CCDC47: variants seen among roughly 807,000 people sequenced by gnomAD.
The protein encoded by CCDC47 is PAT complex subunit CCDC47.
A neutral mutation model predicts 60.5 loss-of-function variants in CCDC47; 41 were observed. The observed-to-expected ratio is 0.68, with a 90% CI of 0.53 to 0.88. CCDC47 has a LOEUF of 0.88. CCDC47 is among the 40% of genes least tolerant of loss of function. The probability of loss-of-function intolerance (pLI) is 0.00; values close to 1 mark genes in which losing one functional copy is unlikely to be tolerated. For missense variants in CCDC47, 513 were observed against 580.9 expected (o/e 0.88, Z 1.20); for synonymous variants, 195 against 190.7 (o/e 1.02, Z -0.18).
Position 63,764,316 on chromosome 17 carries a change from G to T in CCDC47, c.373-126C>A, listed in dbSNP as rs940312665. The T allele has an allele frequency of 6.0e-5, 41 of 688,718 alleles. No homozygotes were observed. The African/African-American group carries it at 6.6e-4, about 11-fold the overall frequency. 42.7% of individuals were successfully genotyped at this position (688,718 alleles called of 1,614,324 possible). On this transcript the variant is annotated intron_variant, in intron 3 of 12. Transcript: ENST00000225726. ...CTTCAGATATCTGTCATTGAATAAG[G>T]TTATACTTTGAAAAATAGGTCCATT...
At position 63,746,670 on chromosome 17, in the gene CCDC47, GA is replaced by G. The variant is rs1056868035; in HGVS notation, c.*210del. 42 of 422,748 alleles carry G rather than the reference GA, an allele frequency of 9.9e-5. No individual in the cohort carries two copies. The highest frequency in any genetic ancestry group is 1.7e-4 in the East Asian group (5 of 28,982). 26.2% of individuals were successfully genotyped at this position (422,748 alleles called of 1,614,324 possible). ...ATAATCAAAATAATTTGATTATCTG[GA>G]AAAAAAAATTCTTGAAACAGAGCCC... On this transcript the variant is annotated 3_prime_UTR_variant, in exon 13 of 13. Coordinates refer to ENST00000225726, the MANE Select transcript of CCDC47 (RefSeq NM_020198.3).
intron 1 of CCDC47, among the ~76,000 whole-genome samples, chr17:63,773,150 G>A (rs1031040038): frequency 6.6e-6 from 1 of 152,200 alleles, no homozygotes; most frequent in Non-Finnish European, 1.5e-5. Flanking sequence ...TGGCCACAGA[G>A]GTTTTTGCTT....
chr17:63,752,335 G>C lies in CCDC47; in HGVS notation c.1188C>G (p.Phe396Leu). ...VIYSIDKAKK[F>L]RLNREGKQKA... is the part of the protein sequence containing the mutation. Reference sequence around the variant, plus strand: ...TGGGTCTTACTTCTCTGTTGAGTCGGAACTTTTTGGCTTTATCAATAGAAT... The same window carrying C: ...TGGGTCTTACTTCTCTGTTGAGTCGCAACTTTTTGGCTTTATCAATAGAAT... Residue 396 changes from phenylalanine to leucine, a missense_variant, in exon 11 of 13, where the codon TTC becomes TTG. Physicochemically the swap from Phe to Leu is conservative, Grantham distance 22. Coordinates refer to ENST00000225726, the MANE Select transcript of CCDC47 (RefSeq NM_020198.3). 3.7e-6 allele frequency: 6 copies of C among 1,612,370 alleles called. No homozygotes were observed. Among genetic ancestry groups the C allele is most frequent in the Non-Finnish European group, 4.2e-6 (5 of 1,178,604 alleles).
At chr17:63,768,848 C>T (rs1309328876) in intron 1 of CCDC47, among the ~76,000 whole-genome samples, 1 of 151,972 alleles carries the variant, frequency 6.6e-6, no homozygotes, top group Admixed American at 6.6e-5. Flanking sequence ...GTTTGGGAGG[C>T]CAAGGTAGGC....
At chr17:63,747,684 G>A (rs1010387738) in intron 12 of CCDC47, 44 of 985,118 alleles carry the variant, frequency 4.5e-5, no homozygotes, top group Non-Finnish European at 5.2e-5. Flanking sequence ...TTATTTTTAG[G>A]GTACTGGGGT....
At chr17:63,772,829 C>T (rs997109827) in intron 1 of CCDC47, 5 of 152,286 alleles carry the variant, frequency 3.3e-5, no homozygotes, top group African/African-American at 9.6e-5. Context: ...CTCAAATGCA[C>T]AAGTCCTTGC....
chr17:63,755,439 G>C, intron 8 of CCDC47: 1 of 140,652 alleles, frequency 7.1e-6, no homozygotes, highest in Non-Finnish European at 1.4e-5. Flanking sequence ...GGCCAACACA[G>C]CGAAACCCCA....
In CCDC47 at chr17:63,748,309, C is replaced by T. The variant is rs544943198; in HGVS notation, c.1372-1348G>A. Among the ~76,000 whole-genome samples, 8 of 152,228 alleles carry T rather than the reference C, an allele frequency of 5.3e-5. No individual in the cohort carries two copies. In the East Asian group the frequency reaches 1.5e-3, roughly 29 times the overall value. On this transcript the variant is annotated intron_variant, in intron 12 of 12. Coordinates refer to ENST00000225726, the MANE Select transcript of CCDC47 (RefSeq NM_020198.3). ...TGTATTCTTAGTAGAGATGGGGTTT[C>T]ACCATATTGGCCAGGCTGGTGTTGA...
rs56378189 is a variant in CCDC47, at chr17:63,771,045, G to GAAAGAAAGAAAGA, written c.-20+2366_-20+2367insTCTTTCTTTCTTT. ...GGAAGGAAGGAAGGAAGGAAGGAAG[G>GAAAGAAAGAAAGA]AAGAAAGAAAGAAAGAAATTAAATG... On this transcript the variant is annotated intron_variant, in intron 1 of 12. Coordinates refer to ENST00000225726, the MANE Select transcript of CCDC47 (RefSeq NM_020198.3). Among the ~76,000 whole-genome samples the GAAAGAAAGAAAGA allele has an allele frequency of 4.8e-4, 47 of 97,834 alleles. 1 individual carries two copies. The highest frequency in any genetic ancestry group is 1.2e-3 in the African/African-American group (28 of 24,238). The allele number at this position is 97,834 out of a possible 152,430, so 64.2% of individuals were successfully genotyped here. A position where few individuals can be genotyped will look rare whatever the true frequency, so the allele number is the denominator to read the frequency against.
intron 9 of CCDC47, chr17:63,753,661 C>CA (rs1456801268): frequency 1.0e-6 from 1 of 981,646 alleles, no homozygotes; most frequent in Non-Finnish European, 1.2e-6. Context: ...AAGCTAGAAA[C>CA]CCTATGGACA....
chr17:63,764,645 C>T, intron 3 of CCDC47, 95 bp downstream of exon 3: 2 of 1,055,894 alleles, frequency 1.9e-6, no homozygotes, highest in South Asian at 1.6e-5. Flanking sequence ...CCCACTATTG[C>T]ATTAACACCA....
rs193164768 is a variant in CCDC47, at chr17:63,763,741, T to A, written c.547+275A>T. 1.9e-3 allele frequency among the ~76,000 whole-genome samples: 295 copies of A among 151,818 alleles called. 3 individuals carry two copies. The highest frequency in any genetic ancestry group is 3.6e-3 in the Non-Finnish European group (244 of 67,936). Reference sequence around the variant, plus strand: ...TGGGAGGCTGAGGCAGAAGAATCGCTTGAACCCAGGAGGTGGAGGTTGCAG... The same window carrying A: ...TGGGAGGCTGAGGCAGAAGAATCGCATGAACCCAGGAGGTGGAGGTTGCAG... On this transcript the variant is annotated intron_variant, in intron 4 of 12. Transcript: ENST00000225726.
intron 2 of CCDC47, 29 bp from the exon 3 acceptor site, chr17:63,764,876 C>G: frequency 6.2e-7 from 1 of 1,600,874 alleles, no homozygotes; most frequent in Non-Finnish European, 8.5e-7. Flanking sequence ...ATCCGTTTTC[C>G]TCTACAAATG....
At chr17:63,752,491 C>G in intron 10 of CCDC47, 62 bp from the exon 11 acceptor site, 1 of 1,161,898 alleles carries the variant, frequency 8.6e-7, no homozygotes, top group Non-Finnish European at 1.2e-6. Context: ...CCAGGTCACC[C>G]AACTCTTTTT....
intron 6 of CCDC47, among the ~76,000 whole-genome samples, chr17:63,756,977 C>T (rs932773158): frequency 6.6e-6 from 1 of 152,016 alleles, no homozygotes; most frequent in Admixed American, 6.6e-5. Flanking sequence ...ATAGGGACTA[C>T]AGTAGTTCGT....
At chr17:63,763,869 A>T in intron 4 of CCDC47, 147 bp downstream of exon 4, 1 of 410,486 alleles carries the variant, frequency 2.4e-6, no homozygotes, top group East Asian at 3.8e-5. Flanking sequence ...TAAAAAAAAA[A>T]AGAGCAGGGG....
chr17:63,751,802 G>GTTTAGTA (rs2039167736), intron 12 of CCDC47, 138 bp downstream of exon 12: 2 of 925,540 alleles, frequency 2.2e-6, no homozygotes, highest in Non-Finnish European at 1.8e-6. Context: ...TCTTTATAGT[G>GTTTAGTA]TTATCAATTG....
intron 8 of CCDC47, 53 bp downstream of exon 8, chr17:63,756,187 A>C: frequency 1.7e-6 from 2 of 1,148,260 alleles, no homozygotes; most frequent in Non-Finnish European, 2.6e-6. Context: ...TTTTAGGGAG[A>C]GTGTCCTGTA....
intron 10 of CCDC47, 54 bp from the exon 11 acceptor site, chr17:63,752,483 A>G: frequency 8.2e-7 from 1 of 1,223,084 alleles, no homozygotes; most frequent in South Asian, 1.5e-5. Flanking sequence ...TAATATTTCC[A>G]GGTCACCCAA....
Sources: gnomAD v4.1 joint callset for allele counts (sites outside exome capture counted in the v4.1 genomes callset) on GRCh38, gnomAD v4.1.1 for gene constraint, MANE v1.5 for transcripts, NCBI Gene and HGNC (gene_info 2026-07-23, HGNC 2026-07-21) for gene names.